Variants in LRRC7 observed in about 807,000 individuals in gnomAD.
LRRC7 encodes leucine rich repeat containing 7, also known as leucine-rich repeat-containing protein 7.
In LRRC7, 23 loss-of-function variants were observed where a neutral mutation model predicts 175.7. That is an observed-to-expected ratio of 0.13 (90% CI 0.09 to 0.19). The LOEUF is 0.19. Among genes scored for constraint, LRRC7 ranks in the 10% least tolerant of loss-of-function variants. LRRC7 has a pLI of 1.00. For missense variants in LRRC7, 1,354 were observed against 1,904.7 expected, an observed-to-expected ratio of 0.71 and a Z score of 5.38; for synonymous variants, 685 against 680.9, an observed-to-expected ratio of 1.01 and a Z score of -0.09.
At chr1:69,976,490 A>G (rs750417509) in intron 8 of LRRC7, among the ~76,000 whole-genome samples, 4 of 152,220 alleles carry the variant, frequency 2.6e-5, no homozygotes, top group Non-Finnish European at 5.9e-5. Context: ...CAACACCCTC[A>G]CAGACACCCC....
At position 70,138,373 on chromosome 1, in the gene LRRC7, AAT is replaced by A. The variant is rs1666947595; in HGVS notation, c.*16487_*16488del. On this transcript the variant is annotated 3_prime_UTR_variant, in exon 27 of 27. Coordinates refer to ENST00000651989, the MANE Select transcript of LRRC7 (RefSeq NM_001370785.2). ...AAAAAAGATCAGTTCTGTAAAGCAT[AAT>A]GCCTACTACACAGACATCATTATTC... 6.6e-6 allele frequency: 1 copy of A among 152,218 alleles called. No individual in the cohort carries two copies. The highest frequency in any genetic ancestry group is 1.5e-5 in the Non-Finnish European group (1 of 68,034). 9.4% of individuals were successfully genotyped at this position (152,218 alleles called of 1,614,324 possible).
chr1:69,962,995 A>T (rs12038676), intron 8 of LRRC7, among the ~76,000 whole-genome samples: 9,378 of 151,406 alleles, frequency 0.062, 284 homozygotes, highest in South Asian at 0.11. Context: ...AAAAGTTTTT[A>T]AAAAAAAACA....
intron 11 of LRRC7, among the ~76,000 whole-genome samples, chr1:70,011,493 C>G (rs1571005360): frequency 6.6e-6 from 1 of 152,200 alleles, no homozygotes; most frequent in East Asian, 1.9e-4. Flanking sequence ...TCCAAGGATA[C>G]ACATTCTGAA....
rs547566078 is a variant in LRRC7 at position 69,890,205 on chromosome 1, A to T, written c.648-41302A>T. On this transcript the variant is annotated intron_variant, in intron 7 of 26. Transcript: ENST00000651989. ...GAGGAATCACTATCTGGCTCTACAA[A>T]ATGTATTTCTTAAATAATAAGGCTT... Among the ~76,000 whole-genome samples, 10 of 152,304 alleles carry T rather than the reference A, an allele frequency of 6.6e-5. No individual in the cohort carries two copies. In the East Asian group the frequency reaches 1.7e-3, roughly 26 times the overall value.
intron 2 of LRRC7, among the ~76,000 whole-genome samples, chr1:69,747,402 C>T (rs1301873436): frequency 6.6e-6 from 1 of 152,090 alleles, no homozygotes; most frequent in Non-Finnish European, 1.5e-5. Flanking sequence ...TGATGTCATG[C>T]CAGAGGCTTG....
intron 1 of LRRC7, among the ~76,000 whole-genome samples, chr1:69,617,054 T>C (rs890376113): frequency 2.0e-5 from 3 of 152,106 alleles, no homozygotes; most frequent in African/African-American, 7.2e-5. Flanking sequence ...GCATTTGTAA[T>C]CCTACATCTA....
chr1:69,785,198 A>G (rs1674262724), intron 3 of LRRC7, among the ~76,000 whole-genome samples: 1 of 152,054 alleles, frequency 6.6e-6, no homozygotes, highest in African/African-American at 2.4e-5. Flanking sequence ...GATCCATCAA[A>G]TGTTCCTTTA....
chr1:69,769,970 A>G (rs1672042334), intron 3 of LRRC7, among the ~76,000 whole-genome samples: 1 of 152,182 alleles, frequency 6.6e-6, no homozygotes, highest in Non-Finnish European at 1.5e-5. Flanking sequence ...CATAGAACTA[A>G]TAGGGGCCTA....
chr1:70,045,803 C>T (rs1660280834), intron 22 of LRRC7, among the ~76,000 whole-genome samples: 1 of 152,114 alleles, frequency 6.6e-6, no homozygotes, highest in Non-Finnish European at 1.5e-5. Flanking sequence ...TCACATCTTA[C>T]ATGGCAGCAG....
At chr1:69,839,576 T>A (rs116149109) in intron 7 of LRRC7, among the ~76,000 whole-genome samples, 14,829 of 152,064 alleles carry the variant, frequency 0.098, 1,686 homozygotes, top group African/African-American at 0.28. Context: ...TCCCTGATGC[T>A]TTTGTCTGCC....
intron 1 of LRRC7, among the ~76,000 whole-genome samples, chr1:69,613,207 G>A (rs1243199876): frequency 6.6e-6 from 1 of 152,058 alleles, no homozygotes; most frequent in Non-Finnish European, 1.5e-5. Context: ...TGTGTCTAGT[G>A]AGGGCCTTCC....
rs993742163 is a variant in LRRC7 at position 69,781,439 on chromosome 1, T to C, written c.304-10604T>C. 9.9e-5 allele frequency among the ~76,000 whole-genome samples: 15 copies of C among 151,970 alleles called. No individual in the cohort carries two copies. The South Asian group carries it at 3.1e-3, about 32-fold the overall frequency. On this transcript the variant is annotated intron_variant, in intron 3 of 26. Coordinates refer to ENST00000651989, the MANE Select transcript of LRRC7 (RefSeq NM_001370785.2). ...TCTCTTGCCTGTAATCCCAGCACTTTGGGAGATCGAGGCAGGCAGATCACT... is the reference window on the plus strand; with the variant it reads ...TCTCTTGCCTGTAATCCCAGCACTTCGGGAGATCGAGGCAGGCAGATCACT...
intron 1 of LRRC7, among the ~76,000 whole-genome samples, chr1:69,588,084 G>T (rs1475914386): frequency 1.3e-5 from 2 of 152,110 alleles, no homozygotes; most frequent in Non-Finnish European, 2.9e-5. Context: ...TTAGGTTGTA[G>T]TTCCAAATGT....
At chr1:70,029,280 T>C (rs1047646667) in intron 18 of LRRC7, among the ~76,000 whole-genome samples, 2 of 152,156 alleles carry the variant, frequency 1.3e-5, no homozygotes, top group African/African-American at 4.8e-5. Context: ...TTATCTAAAA[T>C]ATGATCACAT....
At chr1:69,922,260 C>T (rs890655540) in intron 7 of LRRC7, among the ~76,000 whole-genome samples, 2 of 152,168 alleles carry the variant, frequency 1.3e-5, no homozygotes, top group African/African-American at 2.4e-5. Flanking sequence ...CCTGCAGTTC[C>T]TTGAATGCAC....
chr1:70,101,562 A>G (rs1473232826), intron 25 of LRRC7, among the ~76,000 whole-genome samples: 2 of 152,200 alleles, frequency 1.3e-5, no homozygotes, highest in African/African-American at 4.8e-5. Flanking sequence ...CTAACTTTCT[A>G]AGTCCTTTAA....
At chr1:69,994,752 A>G (rs1654768220) in intron 11 of LRRC7, 119 bp downstream of exon 11, 2 of 597,182 alleles carry the variant, frequency 3.3e-6, no homozygotes, top group East Asian at 5.6e-5. Flanking sequence ...TTCATCTGTC[A>G]GCTTATTTTA....
intron 23 of LRRC7, among the ~76,000 whole-genome samples, chr1:70,068,304 A>G (rs1206932945): frequency 1.3e-5 from 2 of 152,278 alleles, no homozygotes; most frequent in East Asian, 3.9e-4. Flanking sequence ...GAACACTTTC[A>G]TCATGAATGG....
At chr1:69,741,451 T>TGAAAA (rs764053795) in intron 2 of LRRC7, among the ~76,000 whole-genome samples, 27 of 149,918 alleles carry the variant, frequency 1.8e-4, no homozygotes, top group Non-Finnish European at 3.1e-4. Flanking sequence ...GAAGAGAAAA[T>TGAAAA]GAAAAGAAAA....
Sources: allele counts gnomAD v4.1 joint callset (sites outside exome capture counted in the v4.1 genomes callset), GRCh38; gene constraint gnomAD v4.1.1; transcripts MANE v1.5; gene names NCBI Gene and HGNC (gene_info 2026-07-23, HGNC 2026-07-21).